Variants in ITGB3BP observed in about 807,000 individuals in gnomAD.
ITGB3BP encodes the protein integrin subunit beta 3 binding protein, also known as centromere protein R.
Under a neutral mutation model 29.1 loss-of-function variants are expected in ITGB3BP, and 27 were observed. The ratio of observed to expected loss-of-function variants is 0.93; its 90% CI spans 0.68 to 1.28. The LOEUF is 1.28. Ranked by LOEUF, ITGB3BP falls within the 50% of genes most tolerant of loss-of-function variation. The probability of loss-of-function intolerance (pLI) is 0.00; values close to 1 mark genes in which losing one functional copy is unlikely to be tolerated. For missense variants in ITGB3BP, 192 were observed against 200.2 expected (o/e 0.96, Z 0.25); for synonymous variants, 61 against 61.4 (o/e 0.99, Z 0.03).
chr1:63,478,769 A>G lies in ITGB3BP; in HGVS notation c.249T>C (p.Asn83=), dbSNP rs145127242. 5.4e-4 allele frequency: 774 copies of G among 1,441,064 alleles called. No individual in the cohort carries two copies. The highest frequency in any genetic ancestry group is 7.0e-4 in the Non-Finnish European group (741 of 1,060,828). 89.3% of individuals were successfully genotyped at this position (1,441,064 alleles called of 1,614,324 possible). ...TESKESTTKD[N]DEFMMLLSKV... Reference sequence around the variant, plus strand: ...TTCAAAAATAACAAACTTACTCATCATTGTCTTTTGTTGTAGATTCTTTGC... The same window carrying G: ...TTCAAAAATAACAAACTTACTCATCGTTGTCTTTTGTTGTAGATTCTTTGC... The change falls in exon 4 of 9, where the codon AAT becomes AAC. Residue 83 remains asparagine (N), a synonymous_variant. Transcript: ENST00000271002.
At chr1:63,515,825 T>TAAAAAAA (rs76881362) in intron 1 of ITGB3BP, among the ~76,000 whole-genome samples, 1 of 48,594 alleles carries the variant, frequency 2.1e-5, no homozygotes, top group African/African-American at 8.5e-5. Flanking sequence ...GACTCCAACT[T>TAAAAAAA]AAAAAAAAAA....
intron 1 of ITGB3BP, among the ~76,000 whole-genome samples, chr1:63,520,139 T>G (rs934345895): frequency 6.6e-6 from 1 of 152,148 alleles, no homozygotes; most frequent in South Asian, 2.1e-4. Context: ...GGGATTTGAT[T>G]ACTTACAGCA....
chr1:63,498,074 T>G (rs940765190), intron 2 of ITGB3BP, among the ~76,000 whole-genome samples: 1 of 152,144 alleles, frequency 6.6e-6, no homozygotes, highest in Admixed American at 6.5e-5. Flanking sequence ...CTGGCAGAAT[T>G]GGAAGGGAGA....
In ITGB3BP at chr1:63,466,154, T is replaced by C. The variant is rs541252999; in HGVS notation, c.255-11186A>G. ...CATCGCCTTCCATGGAGCCATGGCA[T>C]TGATCCAGGAGCTTTCACCTTTTAT... is the stretch of plus-strand genomic sequence containing the variant. On this transcript the variant is annotated intron_variant, in intron 4 of 8. Coordinates refer to ENST00000271002, the MANE Select transcript of ITGB3BP (RefSeq NM_014288.5). Among the ~76,000 whole-genome samples, 3 of 152,370 alleles carry C rather than the reference T, an allele frequency of 2.0e-5. No individual in the cohort carries two copies. The South Asian group carries it at 6.2e-4, about 32-fold the overall frequency.
intron 4 of ITGB3BP, among the ~76,000 whole-genome samples, chr1:63,465,307 T>C (rs1233745701): frequency 6.6e-6 from 1 of 152,314 alleles, no homozygotes; most frequent in Admixed American, 6.5e-5. Context: ...TTCTTTTTAA[T>C]ATTCTTGCAA....
intron 7 of ITGB3BP, among the ~76,000 whole-genome samples, chr1:63,449,030 G>A (rs1644826756): frequency 6.6e-6 from 1 of 152,120 alleles, no homozygotes; most frequent in African/African-American, 2.4e-5. Context: ...AAGCAGAACT[G>A]TTTAAATGTT....
intron 4 of ITGB3BP, among the ~76,000 whole-genome samples, chr1:63,473,518 A>G (rs1484598984): frequency 2.9e-5 from 3 of 103,382 alleles, no homozygotes; most frequent in African/African-American, 1.2e-4. Flanking sequence ...TCCGGGAGGG[A>G]GGTGGGGGGT....
intron 7 of ITGB3BP, chr1:63,447,708 G>A (rs1172461293): frequency 4.2e-5 from 19 of 453,454 alleles, no homozygotes; most frequent in Middle Eastern, 3.6e-4. Flanking sequence ...TGGAGAAATA[G>A]GAACACTTTT....
At chr1:63,498,553 G>T (rs1278114732) in intron 2 of ITGB3BP, among the ~76,000 whole-genome samples, 2 of 152,022 alleles carry the variant, frequency 1.3e-5, no homozygotes, top group Admixed American at 1.3e-4. Context: ...GGGATGTAGT[G>T]AAAGTGGTAC....
chr1:63,442,827 T>C (rs954876824), intron 8 of ITGB3BP: 1 of 152,240 alleles, frequency 6.6e-6, no homozygotes, highest in Non-Finnish European at 1.5e-5. Flanking sequence ...ACTGTCATAA[T>C]ACACAGCGCT....
intron 2 of ITGB3BP, among the ~76,000 whole-genome samples, chr1:63,493,521 C>T (rs1011437498): frequency 2.6e-5 from 4 of 152,022 alleles, no homozygotes; most frequent in Non-Finnish European, 4.4e-5. Flanking sequence ...AAAGAAATGC[C>T]ACATTCTAAG....
intron 1 of ITGB3BP, among the ~76,000 whole-genome samples, chr1:63,518,122 A>G (rs927415471): frequency 1.3e-5 from 2 of 152,162 alleles, no homozygotes; most frequent in Non-Finnish European, 2.9e-5. Flanking sequence ...TAATCTTAAA[A>G]AAGTTTTCGA....
At chr1:63,469,847 A>C (rs1416432430) in intron 4 of ITGB3BP, among the ~76,000 whole-genome samples, 1 of 152,226 alleles carries the variant, frequency 6.6e-6, no homozygotes, top group Non-Finnish European at 1.5e-5. Flanking sequence ...AACTGGCCAT[A>C]AACAAAATCT....
chr1:63,484,701 T>C (rs973419918), intron 3 of ITGB3BP, among the ~76,000 whole-genome samples: 2 of 152,112 alleles, frequency 1.3e-5, no homozygotes, highest in Admixed American at 1.3e-4. Flanking sequence ...CTTTATTATA[T>C]GGGTATTATA....
At chr1:63,445,455 G>C (rs924846656) in intron 8 of ITGB3BP, among the ~76,000 whole-genome samples, 7 of 152,148 alleles carry the variant, frequency 4.6e-5, no homozygotes, top group Non-Finnish European at 1.0e-4. Context: ...CAAATATTAA[G>C]ACTAGCTTGT....
At chr1:63,465,304 T>C (rs907936738) in intron 4 of ITGB3BP, among the ~76,000 whole-genome samples, 1 of 152,220 alleles carries the variant, frequency 6.6e-6, no homozygotes. Flanking sequence ...GAATTCTTTT[T>C]AATATTCTTG....
Position 63,477,710 on chromosome 1 carries a change from A to G in ITGB3BP, c.254+1054T>C, listed in dbSNP as rs533489156. Among the ~76,000 whole-genome samples the G allele has an allele frequency of 2.0e-5, 3 of 147,906 alleles. No individual in the cohort carries two copies. In the South Asian group the frequency reaches 6.4e-4, roughly 32 times the overall value. ...GCTCCAGGCTGGGCAACAGAGTGAG[A>G]CAATCAGGGAAAAAAAAAAAAAAGA... On this transcript the variant is annotated intron_variant, in intron 4 of 8. Coordinates refer to ENST00000271002, the MANE Select transcript of ITGB3BP (RefSeq NM_014288.5).
Position 63,447,783 on chromosome 1 carries a change from G to A in ITGB3BP, c.485-927C>T, listed in dbSNP as rs964126617. 75 of 363,426 alleles carry A rather than the reference G, an allele frequency of 2.1e-4. 1 individual carries two copies. The highest frequency in any genetic ancestry group is 1.5e-3 in the South Asian group (72 of 47,210). The allele number at this position is 363,426 out of a possible 1,614,324, so 22.5% of individuals were successfully genotyped here. A position where few individuals can be genotyped will look rare whatever the true frequency, so the allele number is the denominator to read the frequency against. On this transcript the variant is annotated intron_variant, in intron 7 of 8. Coordinates refer to ENST00000271002, the MANE Select transcript of ITGB3BP (RefSeq NM_014288.5). ...GAAGTCAGTGTGGCGATTCCTCAGGGATCTAGAACTAGAAATACCATTTGA... is the reference window on the plus strand; with the variant it reads ...GAAGTCAGTGTGGCGATTCCTCAGGAATCTAGAACTAGAAATACCATTTGA...
intron 1 of ITGB3BP, among the ~76,000 whole-genome samples, chr1:63,513,263 C>T: frequency 6.6e-6 from 1 of 152,104 alleles, no homozygotes; most frequent in East Asian, 1.9e-4. Context: ...TTCCTTTATT[C>T]ATTTATATCA....
Sources: gnomAD v4.1 joint callset for allele counts (sites outside exome capture counted in the v4.1 genomes callset) on GRCh38, gnomAD v4.1.1 for gene constraint, MANE v1.5 for transcripts, NCBI Gene and HGNC (gene_info 2026-07-23, HGNC 2026-07-21) for gene names.